TAFA1: variants seen among roughly 807,000 people sequenced by gnomAD.
The protein encoded by TAFA1 is chemokine-like protein TAFA-1.
A neutral mutation model predicts 18.5 loss-of-function variants in TAFA1; 4 were observed. That is an observed-to-expected ratio of 0.22 (90% CI 0.11 to 0.49). The LOEUF (loss-of-function observed/expected upper bound fraction) is 0.49, where lower values mean the gene tolerates loss of function less well. Ranked by LOEUF, TAFA1 falls within the 20% of genes least tolerant of loss-of-function variation. TAFA1 has a pLI of 0.98. For missense variants in TAFA1, 147 were observed against 169.0 expected (o/e 0.87, Z 0.72); for synonymous variants, 56 against 55.2 (o/e 1.01, Z -0.06).
chr3:68,051,072 T>C lies in TAFA1; in HGVS notation c.118+44328T>C, dbSNP rs1030411074. Among the ~76,000 whole-genome samples, 3 of 151,216 alleles carry C rather than the reference T, an allele frequency of 2.0e-5. 1 individual carries two copies. Among genetic ancestry groups the C allele is most frequent in the Non-Finnish European group, 4.4e-5 (3 of 67,930 alleles). ...ATGACTTTCTACTTTGGCAACTATA[T>C]GCACACATTTATTATTGTTAACCAT... On this transcript the variant is annotated intron_variant, in intron 2 of 4. Coordinates refer to ENST00000478136, the MANE Select transcript of TAFA1 (RefSeq NM_213609.4).
chr3:68,142,911 G>A (rs1448482284), intron 2 of TAFA1, among the ~76,000 whole-genome samples: 1 of 35,868 alleles, frequency 2.8e-5, no homozygotes, highest in African/African-American at 6.7e-5. Context: ...GTGGGAAATC[G>A]TTATTTTTTT....
chr3:68,313,754 T>C (rs1038474818), intron 2 of TAFA1, among the ~76,000 whole-genome samples: 8 of 152,208 alleles, frequency 5.3e-5, no homozygotes, highest in Non-Finnish European at 1.0e-4. Context: ...CTGGATGGAC[T>C]TGTGTTGTTT....
At chr3:68,355,366 C>T (rs1172607778) in intron 2 of TAFA1, among the ~76,000 whole-genome samples, 1 of 151,996 alleles carries the variant, frequency 6.6e-6, no homozygotes, top group Non-Finnish European at 1.5e-5. Context: ...ACTTCAGAGG[C>T]ATGTGACTTC....
At chr3:68,303,207 G>A (rs1372167104) in intron 2 of TAFA1, among the ~76,000 whole-genome samples, 5 of 152,110 alleles carry the variant, frequency 3.3e-5, no homozygotes, top group Admixed American at 3.3e-4. Context: ...ATGTTACCCT[G>A]TCAAGGACAA....
chr3:68,421,870 G>C (rs2070961330), intron 3 of TAFA1, among the ~76,000 whole-genome samples: 1 of 151,952 alleles, frequency 6.6e-6, no homozygotes, highest in Non-Finnish European at 1.5e-5. Context: ...GAACACGGTG[G>C]AATTTTAGCC....
chr3:68,403,465 C>T (rs887792990), intron 2 of TAFA1, among the ~76,000 whole-genome samples: 2 of 152,220 alleles, frequency 1.3e-5, no homozygotes, highest in African/African-American at 2.4e-5. Context: ...CCGTCTAAAA[C>T]GGGTTGGCAA....
intron 2 of TAFA1, among the ~76,000 whole-genome samples, chr3:68,383,116 G>A (rs188119239): frequency 1.7e-4 from 26 of 152,204 alleles, no homozygotes; most frequent in African/African-American, 4.8e-4. Flanking sequence ...AGACTATAGG[G>A]TTTTCTAGAT....
At chr3:68,164,630 C>CGT (rs1306831109) in intron 2 of TAFA1, among the ~76,000 whole-genome samples, 9,336 of 146,606 alleles carry the variant, frequency 0.064, 596 homozygotes, top group East Asian at 0.39. Context: ...CCTTTTGCAA[C>CGT]GTGTGTGTGT....
At chr3:68,098,108 C>T (rs896593137) in intron 2 of TAFA1, among the ~76,000 whole-genome samples, 1 of 152,144 alleles carries the variant, frequency 6.6e-6, no homozygotes, top group African/African-American at 2.4e-5. Context: ...GTTGTGGTCT[C>T]ACTGTGCAGA....
chr3:68,246,082 C>T (rs1485599478), intron 2 of TAFA1, among the ~76,000 whole-genome samples: 2 of 152,172 alleles, frequency 1.3e-5, no homozygotes. Context: ...CCTCTGTCTG[C>T]TATTTCCATG....
upstream of TAFA1, among the ~76,000 whole-genome samples, chr3:68,001,973 T>C (rs1704288581): frequency 1.3e-5 from 2 of 152,154 alleles, no homozygotes; most frequent in South Asian, 4.1e-4. Flanking sequence ...GCTCTATTGC[T>C]TGAGGAAATG....
At chr3:68,115,504 G>A (rs2065314352) in intron 2 of TAFA1, among the ~76,000 whole-genome samples, 1 of 152,172 alleles carries the variant, frequency 6.6e-6, no homozygotes, top group African/African-American at 2.4e-5. Flanking sequence ...ACCAAATAAT[G>A]AGCCCTAGGA....
At chr3:68,479,965 G>A (rs766041622) in intron 3 of TAFA1, among the ~76,000 whole-genome samples, 14 of 152,142 alleles carry the variant, frequency 9.2e-5, no homozygotes, top group Non-Finnish European at 1.5e-4. Context: ...CATGGTTTGA[G>A]ACAAGTCTTT....
At chr3:68,382,826 T>A (rs1467443136) in intron 2 of TAFA1, among the ~76,000 whole-genome samples, 1 of 152,222 alleles carries the variant, frequency 6.6e-6, no homozygotes, top group Non-Finnish European at 1.5e-5. Flanking sequence ...ATATTGAGTC[T>A]TCCTATACAA....
intron 2 of TAFA1, among the ~76,000 whole-genome samples, chr3:68,281,570 A>C (rs963225855): frequency 6.6e-6 from 1 of 150,978 alleles, no homozygotes; most frequent in Non-Finnish European, 1.5e-5. Context: ...CCCAGGTTCA[A>C]GTGATTCTCC....
At chr3:68,414,718 G>A (rs2070778500) in intron 2 of TAFA1, among the ~76,000 whole-genome samples, 2 of 152,158 alleles carry the variant, frequency 1.3e-5, no homozygotes, top group Non-Finnish European at 1.5e-5. Flanking sequence ...ACAGGCTTTG[G>A]ACCTTCAGTG....
At chr3:68,010,351 G>A (rs1390868210) in intron 2 of TAFA1, among the ~76,000 whole-genome samples, 1 of 152,190 alleles carries the variant, frequency 6.6e-6, no homozygotes, top group Non-Finnish European at 1.5e-5. Flanking sequence ...ACAGGTGAGT[G>A]GAATTTGACG....
chr3:68,252,073 G>A (rs944560938), intron 2 of TAFA1, among the ~76,000 whole-genome samples: 4 of 152,064 alleles, frequency 2.6e-5, no homozygotes, highest in African/African-American at 9.7e-5. Flanking sequence ...AAGACAATGA[G>A]ATCTCTTTGA....
chr3:68,011,496 AT>A (rs928378226), intron 2 of TAFA1, among the ~76,000 whole-genome samples: 3 of 152,222 alleles, frequency 2.0e-5, no homozygotes, highest in African/African-American at 7.2e-5. Context: ...TTTTGTTAAA[AT>A]ATTAAAAAGC....
Sources: gnomAD v4.1 joint callset for allele counts (sites outside exome capture counted in the v4.1 genomes callset) on GRCh38, gnomAD v4.1.1 for gene constraint, MANE v1.5 for transcripts, NCBI Gene and HGNC (gene_info 2026-07-23, HGNC 2026-07-21) for gene names.